Variants in LRBA observed in about 807,000 individuals in gnomAD.
The protein encoded by LRBA is LPS responsive beige-like anchor protein, also known as lipopolysaccharide-responsive and beige-like anchor protein.
Under a neutral mutation model 330.0 loss-of-function variants are expected in LRBA, and 176 were observed. The observed-to-expected ratio is 0.53, with a 90% CI of 0.47 to 0.60. The LOEUF (loss-of-function observed/expected upper bound fraction) is 0.60. Ranked by LOEUF, LRBA falls within the 20% of genes least tolerant of loss-of-function variation. The probability of loss-of-function intolerance (pLI) is 0.00; values close to 1 mark genes in which losing one functional copy is unlikely to be tolerated. For synonymous variants in LRBA, 1,230 were observed against 1,193.0 expected (o/e 1.03, Z -0.64); for missense variants, 3,259 against 3,444.8 (o/e 0.95, Z 1.35).
intron 49 of LRBA, among the ~76,000 whole-genome samples, chr4:150,324,026 T>C (rs1561013970): frequency 6.6e-6 from 1 of 152,148 alleles, no homozygotes; most frequent in Non-Finnish European, 1.5e-5. Flanking sequence ...ACACAATTTG[T>C]GCAAGTCTGA....
chr4:150,303,224 A>C (rs1164855262), intron 52 of LRBA, among the ~76,000 whole-genome samples: 1 of 152,234 alleles, frequency 6.6e-6, no homozygotes. Context: ...GATGTCACTA[A>C]TAAAAACCTA....
At chr4:150,951,404 CT>C (rs147567690) in intron 2 of LRBA, among the ~76,000 whole-genome samples, 1,591 of 152,106 alleles carry the variant, frequency 0.01, 23 homozygotes, top group African/African-American at 0.037. Flanking sequence ...TGTGACACCC[CT>C]ATACTAACCT....
chr4:150,435,477 CTGAGATTTATCTTT>C, intron 46 of LRBA, 98 bp downstream of exon 46: 2 of 935,502 alleles, frequency 2.1e-6, no homozygotes, highest in Non-Finnish European at 3.2e-6. Context: ...GACTTATCTT[CTGAGATTTATCTTT>C]TGTAAATAGG....
intron 37 of LRBA, among the ~76,000 whole-genome samples, chr4:150,663,531 C>A (rs1207502646): frequency 6.7e-6 from 1 of 150,322 alleles, no homozygotes; most frequent in Non-Finnish European, 1.5e-5. Flanking sequence ...TAGGACAGTT[C>A]TACTCACCCC....
chr4:150,684,371 C>CT (rs974849182), intron 36 of LRBA, among the ~76,000 whole-genome samples: 12 of 152,080 alleles, frequency 7.9e-5, no homozygotes, highest in African/African-American at 2.9e-4. Context: ...CTTTTAAGTC[C>CT]TAGCAAAATG....
At chr4:150,792,976 T>C (rs1436780457) in intron 34 of LRBA, among the ~76,000 whole-genome samples, 5 of 151,536 alleles carry the variant, frequency 3.3e-5, no homozygotes, top group African/African-American at 9.7e-5. Flanking sequence ...GCTACTCAGG[T>C]GGCTGAGGCA....
chr4:150,568,260 G>A (rs1769399951), intron 40 of LRBA, among the ~76,000 whole-genome samples: 1 of 152,150 alleles, frequency 6.6e-6, no homozygotes, highest in South Asian at 2.1e-4. Flanking sequence ...GAAAGACAAA[G>A]ACTTCAGATT....
At chr4:150,417,088 C>T (rs1280915118) in intron 46 of LRBA, among the ~76,000 whole-genome samples, 1 of 151,946 alleles carries the variant, frequency 6.6e-6, no homozygotes, top group Non-Finnish European at 1.5e-5. Context: ...CAGTGCTAAA[C>T]ATTTTAAGTA....
At chr4:150,814,747 A>G (rs1216044613) in intron 31 of LRBA, among the ~76,000 whole-genome samples, 1 of 152,098 alleles carries the variant, frequency 6.6e-6, no homozygotes, top group Non-Finnish European at 1.5e-5. Flanking sequence ...CAAAATTTAA[A>G]CAATAGAAAA....
At chr4:150,806,041 G>A (rs1359009850) in intron 33 of LRBA, among the ~76,000 whole-genome samples, 4 of 150,638 alleles carry the variant, frequency 2.7e-5, no homozygotes, top group African/African-American at 9.8e-5. Context: ...AAAAGTCTTA[G>A]TTCTTTGGTT....
chr4:150,660,017 G>A (rs1272190009), intron 37 of LRBA, among the ~76,000 whole-genome samples: 2 of 4,878 alleles, frequency 4.1e-4, no homozygotes, highest in African/African-American at 5.7e-4. Flanking sequence ...CTGCCCGGCC[G>A]CCCCTACTGG....
At chr4:150,338,246 C>T (rs537688693) in intron 48 of LRBA, among the ~76,000 whole-genome samples, 4 of 152,254 alleles carry the variant, frequency 2.6e-5, no homozygotes, top group African/African-American at 7.2e-5. Flanking sequence ...GGCAATATCA[C>T]GGCTCTCCCC....
At chr4:150,370,775 G>C (rs1389288505) in intron 47 of LRBA, among the ~76,000 whole-genome samples, 1 of 152,102 alleles carries the variant, frequency 6.6e-6, no homozygotes, top group East Asian at 1.9e-4. Context: ...ATAGTAAGAG[G>C]TATATATGAG....
chr4:151,009,896 C>T (rs1393387071), intron 2 of LRBA, among the ~76,000 whole-genome samples: 2 of 151,880 alleles, frequency 1.3e-5, no homozygotes, highest in East Asian at 1.9e-4. Flanking sequence ...AGGAGAATGG[C>T]GTGAACCTGG....
intron 38 of LRBA, among the ~76,000 whole-genome samples, chr4:150,591,289 G>A (rs1257232576): frequency 1.3e-5 from 2 of 152,202 alleles, no homozygotes; most frequent in Non-Finnish European, 2.9e-5. Context: ...TGGTTGAGGA[G>A]TGGCTGTGGA....
chr4:150,832,001 G>C, intron 28 of LRBA, 25 bp from the exon 29 acceptor site: 3 of 1,421,634 alleles, frequency 2.1e-6, no homozygotes, highest in Non-Finnish European at 2.8e-6. Flanking sequence ...TAAAGGAGTT[G>C]ATTATGTAAC....
intron 2 of LRBA, among the ~76,000 whole-genome samples, chr4:150,984,588 C>G (rs532008295): frequency 2.6e-5 from 4 of 152,164 alleles, no homozygotes; most frequent in Non-Finnish European, 1.5e-5. Flanking sequence ...AATTGACATG[C>G]CATCTGTCAA....
intron 40 of LRBA, among the ~76,000 whole-genome samples, chr4:150,496,243 C>A (rs977289190): frequency 1.3e-5 from 2 of 152,022 alleles, no homozygotes; most frequent in Non-Finnish European, 2.9e-5. Flanking sequence ...CACTTTGTTG[C>A]ACTTATTCTT....
chr4:150,700,679 T>G (rs965971024), intron 36 of LRBA, among the ~76,000 whole-genome samples: 1 of 151,704 alleles, frequency 6.6e-6, no homozygotes, highest in African/African-American at 2.4e-5. Context: ...TAACTCTTTT[T>G]TAATAACACA....
Sources: gnomAD v4.1 joint callset for allele counts (sites outside exome capture counted in the v4.1 genomes callset) on GRCh38, gnomAD v4.1.1 for gene constraint, MANE v1.5 for transcripts, NCBI Gene and HGNC (gene_info 2026-07-23, HGNC 2026-07-21) for gene names.